The following RPS29 variants were observed in gnomAD, a reference collection of about 807,000 sequenced individuals.
The protein encoded by RPS29 is ribosomal protein S29, also known as small ribosomal subunit protein uS14.
For synonymous variants in RPS29, 37 were observed against 26.9 expected, an observed-to-expected ratio of 1.37 and a Z score of -1.16; for missense variants, 60 against 75.7, an observed-to-expected ratio of 0.79 and a Z score of 0.77.
intron 2 of RPS29, among the ~76,000 whole-genome samples, chr14:49,578,115 C>CT (rs906251757): frequency 9.1e-4 from 135 of 147,800 alleles, no homozygotes; most frequent in African/African-American, 1.8e-3. Flanking sequence ...ATATTTAGCC[C>CT]TTTTTTTTTT....
At chr14:49,590,229 G>A (rs943673239), upstream of RPS29, among the ~76,000 whole-genome samples, 2 of 152,148 alleles carry the variant, frequency 1.3e-5, no homozygotes, top group Non-Finnish European at 2.9e-5. Flanking sequence ...TGTAATCCCA[G>A]CACTTTGGGA....
chr14:49,586,656 T>C (rs1405365406), upstream of RPS29: 3 of 404,354 alleles, frequency 7.4e-6, no homozygotes, highest in Admixed American at 3.5e-5. Context: ...AGTCCAGGAG[T>C]TCTGGGCTGT....
chr14:49,583,618 G>C lies in RPS29; in HGVS notation c.*49C>G. 6.4e-7 allele frequency: 1 copy of C among 1,572,072 alleles called. No individual in the cohort carries two copies. ...TATTTTATATACAAAGAATTATCAT[G>C]GTTTTTCATTGAGTAGATGCCCCGG... On this transcript the variant is annotated 3_prime_UTR_variant, in exon 3 of 3. Transcript: ENST00000245458.
upstream of RPS29, among the ~76,000 whole-genome samples, chr14:49,587,433 A>C (rs1450989369): frequency 6.6e-6 from 1 of 152,276 alleles, no homozygotes; most frequent in Non-Finnish European, 1.5e-5. Context: ...AACTAGATTT[A>C]TAAAATGTAG....
chr14:49,576,374 A>G (rs975875178), exon 3 of RPS29: 2 of 152,088 alleles, frequency 1.3e-5, no homozygotes, highest in African/African-American at 4.8e-5. Context: ...AAAGGCTAGG[A>G]TTACAGGCAT....
exon 1 of RPS29, chr14:49,598,562 C>A: frequency 1.4e-6 from 1 of 702,292 alleles, no homozygotes; most frequent in Non-Finnish European, 2.6e-6. Context: ...CGGGGCCACT[C>A]AGACAGTTCT....
At chr14:49,582,811 C>A (rs111252478), downstream of RPS29, among the ~76,000 whole-genome samples, 1 of 152,174 alleles carries the variant, frequency 6.6e-6, no homozygotes, top group African/African-American at 2.4e-5. Context: ...TTCCATCTCA[C>A]GTCAGCCACC....
upstream of RPS29, among the ~76,000 whole-genome samples, chr14:49,589,591 G>C (rs1449043963): frequency 6.6e-6 from 1 of 152,190 alleles, no homozygotes; most frequent in Non-Finnish European, 1.5e-5. Context: ...TGATGGGAAT[G>C]TAAATTACTT....
rs547035486 is a variant in RPS29, at chr14:49,592,865, G to A, written c.-133+5535C>T. Among the ~76,000 whole-genome samples, 14 of 151,310 alleles carry A rather than the reference G, an allele frequency of 9.3e-5. No individual in the cohort carries two copies. In the East Asian group the frequency reaches 2.6e-3, roughly 28 times the overall value. ...GGAGGTTGCAGTGAGCCGAGATTGCGCCACTGCACTCCAGCCTGGGCAGCA... is the reference window on the plus strand; with the variant it reads ...GGAGGTTGCAGTGAGCCGAGATTGCACCACTGCACTCCAGCCTGGGCAGCA... On this transcript the variant is annotated intron_variant, in intron 1 of 3. Transcript: ENST00000556230.
intron 2 of RPS29, 117 bp downstream of exon 2, chr14:49,585,833 G>A (rs1484551161): frequency 6.7e-6 from 5 of 751,750 alleles, no homozygotes; most frequent in Admixed American, 2.5e-5. Flanking sequence ...AAAGCTCTTG[G>A]TCGAATGCTC....
At chr14:49,582,028 A>AAAAAAAAAAAAAAAAAAAC (rs1881353973), downstream of RPS29, among the ~76,000 whole-genome samples, 1 of 151,748 alleles carries the variant, frequency 6.6e-6, no homozygotes, top group Non-Finnish European at 1.5e-5. Context: ...AAAAAAAAAA[A>AAAAAAAAAAAAAAAAAAAC]AAAAAACTTA....
chr14:49,586,085 G>T (rs745426377), intron 1 of RPS29, 36 bp from the exon 2 acceptor site: 2 of 1,572,776 alleles, frequency 1.3e-6, no homozygotes, highest in Non-Finnish European at 8.8e-7. Flanking sequence ...GCAGGTCATA[G>T]AAATTACAAG....
intron 1 of RPS29, among the ~76,000 whole-genome samples, chr14:49,596,332 G>A (rs997821823): frequency 6.6e-6 from 1 of 152,094 alleles, no homozygotes; most frequent in Non-Finnish European, 1.5e-5. Context: ...AACTCCTTAT[G>A]TATTTCCATT....
chr14:49,586,178 C>G (rs1881544703), intron 1 of RPS29, 107 bp downstream of exon 1: 6 of 1,408,504 alleles, frequency 4.3e-6, no homozygotes, highest in Non-Finnish European at 6.0e-6. Flanking sequence ...CCAGCGACTC[C>G]CAGTCGGCGT....
downstream of RPS29, among the ~76,000 whole-genome samples, chr14:49,581,576 G>A (rs1442174770): frequency 6.6e-6 from 1 of 152,186 alleles, no homozygotes; most frequent in Non-Finnish European, 1.5e-5. Context: ...AGCTAGGCGT[G>A]CACAACCACA....
exon 3 of RPS29, chr14:49,576,415 T>C (rs1881182040): frequency 6.6e-6 from 1 of 152,146 alleles, no homozygotes; most frequent in Non-Finnish European, 1.5e-5. Context: ...TTTTTTTCAA[T>C]TTTTGTCAAT....
At chr14:49,585,144 C>T (rs1284392397) in intron 2 of RPS29, among the ~76,000 whole-genome samples, 2 of 152,022 alleles carry the variant, frequency 1.3e-5, no homozygotes, top group African/African-American at 4.8e-5. Context: ...CCGAAGCAGG[C>T]GGATCACGAG....
chr14:49,587,735 T>C (rs1451394142), upstream of RPS29, among the ~76,000 whole-genome samples: 1 of 152,218 alleles, frequency 6.6e-6, no homozygotes, highest in African/African-American at 2.4e-5. Context: ...AGGAAAATAT[T>C]CTGTATTAAA....
At chr14:49,576,246 G>C (rs1881176673) in exon 3 of RPS29, 1 of 151,130 alleles carries the variant, frequency 6.6e-6, no homozygotes, top group Admixed American at 6.6e-5. Context: ...ACCACGCCTG[G>C]CTAATTGTTT....
Sources: allele counts gnomAD v4.1 joint callset (sites outside exome capture counted in the v4.1 genomes callset), GRCh38; gene constraint gnomAD v4.1.1; transcripts MANE v1.5; gene names NCBI Gene and HGNC (gene_info 2026-07-23, HGNC 2026-07-21).